Variants in CELSR1 observed in about 807,000 individuals in gnomAD.
CELSR1 encodes the protein adhesion G protein-coupled receptor C1.
CELSR1 carries 110 observed loss-of-function variants against 249.1 expected under a neutral mutation model. The observed-to-expected ratio is 0.44, with a 90% confidence interval of 0.38 to 0.52. The LOEUF is 0.52. Ranked by LOEUF, CELSR1 falls within the 20% of genes least tolerant of loss-of-function variation. The pLI, the probability that CELSR1 is intolerant of heterozygous loss-of-function variation, is 0.00. For synonymous variants in CELSR1, 2,113 were observed against 1,900.0 expected (o/e 1.11, Z -2.92); for missense variants, 4,109 against 4,296.4 (o/e 0.96, Z 1.22).
rs370822616 is a variant in CELSR1 at position 46,366,984 on chromosome 22, G to A, written c.8205+9C>T. The A allele has an allele frequency of 5.9e-5, 95 of 1,606,896 alleles. No homozygotes were observed. The highest frequency in any genetic ancestry group is 4.1e-4 in the African/African-American group (31 of 74,828). On this transcript the variant is annotated intron_variant, in intron 29 of 34. Transcript: ENST00000674500. Reference sequence around the variant, plus strand: ...CCCCCAGTCCCGCGGTGTCCCCGGCGCCTCCTACCGTCAGCAGGGTGGCCC... The same window carrying A: ...CCCCCAGTCCCGCGGTGTCCCCGGCACCTCCTACCGTCAGCAGGGTGGCCC...
intron 1 of CELSR1, among the ~76,000 whole-genome samples, chr22:46,504,322 G>A (rs753590708): frequency 6.6e-5 from 10 of 151,930 alleles, no homozygotes; most frequent in Non-Finnish European, 1.2e-4. Context: ...GATCAGCCTG[G>A]TCAATATGTT....
intron 9 of CELSR1, among the ~76,000 whole-genome samples, chr22:46,405,861 G>C (rs1434228789): frequency 1.3e-5 from 2 of 152,144 alleles, no homozygotes; most frequent in African/African-American, 2.4e-5. Context: ...ATAATGGCAA[G>C]GAGAAATCCC....
In CELSR1 at chr22:46,441,021, C is replaced by T. The variant is rs1317588885; in HGVS notation, c.4184-1610G>A. ...TACAAAAATTAGCCAGGCGTGGTGG[C>T]GGGTGCCTGTAATCCCATCTACTCG... On this transcript the variant is annotated intron_variant, in intron 2 of 34. Transcript: ENST00000674500. The surrounding 1 kb of genome is among the most constrained non-coding windows in gnomAD (Gnocchi z 6.1). 2.0e-5 allele frequency among the ~76,000 whole-genome samples: 3 copies of T among 151,946 alleles called. No homozygotes were observed. Among genetic ancestry groups the T allele is most frequent in the East Asian group, 1.9e-4 (1 of 5,164 alleles).
intron 1 of CELSR1, among the ~76,000 whole-genome samples, chr22:46,524,534 TTG>T (rs2080718130): frequency 1.7e-5 from 2 of 120,200 alleles, no homozygotes; most frequent in Admixed American, 7.5e-5. Context: ...CCCACCCCCG[TTG>T]TGTGCGTGTG....
chr22:46,367,153 T>C lies in CELSR1; in HGVS notation c.8080-35A>G, dbSNP rs374978621. On this transcript the variant is annotated intron_variant, in intron 28 of 34. Coordinates refer to ENST00000674500, the MANE Select transcript of CELSR1 (RefSeq NM_001378328.1). ...GGAAGGTGGGGTCAGCACCTGCTGC[T>C]GCCTCCCTAGGCACCTGCCCTTAGG... is the stretch of plus-strand genomic sequence containing the variant. 3 of 1,601,216 alleles carry C rather than the reference T, an allele frequency of 1.9e-6. No individual in the cohort carries two copies. The African/African-American group carries it at 4.0e-5, about 21-fold the overall frequency.
intron 2 of CELSR1, among the ~76,000 whole-genome samples, chr22:46,463,353 T>C (rs1012913585): frequency 6.6e-6 from 1 of 151,952 alleles, no homozygotes; most frequent in Non-Finnish European, 1.5e-5. Context: ...CCATCTCTAC[T>C]AAAAATACAA....
In CELSR1 at chr22:46,517,857, G is replaced by A. The variant is rs906048590; in HGVS notation, c.3544+15770C>T. On this transcript the variant is annotated intron_variant, in intron 1 of 34. Coordinates refer to ENST00000674500, the MANE Select transcript of CELSR1 (RefSeq NM_001378328.1). This position sits in a 1 kb window ranked among gnomAD's most constrained non-coding sequence, Gnocchi z 5.4. ...GTCATCTGAAAGCACCCACCACCCT[G>A]TGTCCCCATATTCTGTTTATTACAC... is the stretch of plus-strand genomic sequence containing the variant. 5.9e-5 allele frequency among the ~76,000 whole-genome samples: 9 copies of A among 151,618 alleles called. No homozygotes were observed. The highest frequency in any genetic ancestry group is 1.2e-4 in the Non-Finnish European group (8 of 67,954).
At position 46,535,133 on chromosome 22, in the gene CELSR1, C is replaced by T. The variant is rs751972054; in HGVS notation, c.2038G>A (p.Val680Met). 2 of 1,610,604 alleles carry T rather than the reference C, an allele frequency of 1.2e-6. No homozygotes were observed. The highest frequency in any genetic ancestry group is 2.2e-5 in the East Asian group (1 of 44,846). ...GTGAACACCGGGTCGTTGTCATTCACGTCCAGCACCGTGATGGACACGCTG... is the reference window on the plus strand; with the variant it reads ...GTGAACACCGGGTCGTTGTCATTCATGTCCAGCACCGTGATGGACACGCTG... Reference protein sequence around the residue: ...STSVSITVLDVNDNDPVFTQP... With the variant: ...STSVSITVLDMNDNDPVFTQP... The change falls in exon 1 of 35, where the codon GTG becomes ATG. Residue 680 changes from valine (V) to methionine (M), a missense_variant. This residue lies in a region of CELSR1 where 886 missense variants were observed against 896.5 expected (regional missense o/e 0.99). Transcript: ENST00000674500.
rs2078892814 is a variant in CELSR1, at chr22:46,374,222, T to C, written c.7585-1165A>G. Among the ~76,000 whole-genome samples the C allele has an allele frequency of 6.6e-6, 1 of 152,108 alleles. No individual in the cohort carries two copies. The highest frequency in any genetic ancestry group is 1.5e-5 in the Non-Finnish European group (1 of 68,018). The stretch of plus-strand genomic sequence containing the variant: ...CTGGTTTCCTGAGTGGAAATCACAC[T>C]GGCTCAGGAAAAGGAAGGGGGTGAG... On this transcript the variant is annotated intron_variant, in intron 24 of 34. Transcript: ENST00000674500. This position sits in a 1 kb window ranked among gnomAD's most constrained non-coding sequence, Gnocchi z 4.3.
intron 2 of CELSR1, among the ~76,000 whole-genome samples, chr22:46,461,816 C>T (rs375882673): frequency 2.0e-5 from 3 of 152,362 alleles, no homozygotes; most frequent in East Asian, 1.9e-4. Context: ...GGGAAGTCGA[C>T]GAAGCGCCCC....
intron 1 of CELSR1, among the ~76,000 whole-genome samples, chr22:46,508,255 C>T (rs907820134): frequency 3.4e-5 from 5 of 145,478 alleles, no homozygotes; most frequent in Admixed American, 6.9e-5. Flanking sequence ...CTGGCCCCCG[C>T]GGGACAGAAG....
chr22:46,409,190 G>C lies in CELSR1; in HGVS notation c.5060-28C>G. 1 of 1,608,228 alleles carries C rather than the reference G, an allele frequency of 6.2e-7. No individual in the cohort carries two copies. Among genetic ancestry groups the C allele is most frequent in the African/African-American group, 1.3e-5 (1 of 74,774 alleles). ...GCGGACACAGGCCCAGGGACCTCAG[G>C]TGTCTCCCGAAATCACACGGCCGCG... On this transcript the variant is annotated intron_variant, in intron 8 of 34. Coordinates refer to ENST00000674500, the MANE Select transcript of CELSR1 (RefSeq NM_001378328.1). This position sits in a 1 kb window ranked among gnomAD's most constrained non-coding sequence, Gnocchi z 9.8.
intron 1 of CELSR1, chr22:46,481,345 A>G: frequency 1.4e-6 from 1 of 724,790 alleles, no homozygotes; most frequent in Non-Finnish European, 2.4e-6. Context: ...AATGGATGAG[A>G]GAGCCTCCTT....
Position 46,458,615 on chromosome 22 carries a change from G to C in CELSR1, c.4183+5092C>G, listed in dbSNP as rs914351183. On this transcript the variant is annotated intron_variant, in intron 2 of 34. Coordinates refer to ENST00000674500, the MANE Select transcript of CELSR1 (RefSeq NM_001378328.1). ...CAGGGAGTATCTGGAGTTGGTACTGGGGACACCCTCCAGGGGACCAGAGGG... is the reference window on the plus strand; with the variant it reads ...CAGGGAGTATCTGGAGTTGGTACTGCGGACACCCTCCAGGGGACCAGAGGG... 1.9e-4 allele frequency among the ~76,000 whole-genome samples: 29 copies of C among 152,294 alleles called. 2 individuals carry two copies. Among genetic ancestry groups the C allele is most frequent in the Admixed American group, 1.4e-3 (22 of 15,304 alleles).
At position 46,434,790 on chromosome 22, in the gene CELSR1, A is replaced by T. The variant is rs1360655447; in HGVS notation, c.4523-1309T>A. 6.6e-6 allele frequency among the ~76,000 whole-genome samples: 1 copy of T among 152,178 alleles called. No homozygotes were observed. The highest frequency in any genetic ancestry group is 1.5e-5 in the Non-Finnish European group (1 of 68,032). On this transcript the variant is annotated intron_variant, in intron 4 of 34. Coordinates refer to ENST00000674500, the MANE Select transcript of CELSR1 (RefSeq NM_001378328.1). This position sits in a 1 kb window ranked among gnomAD's most constrained non-coding sequence, Gnocchi z 4.9. Reference sequence around the variant, plus strand: ...GGTGGGCGGATCACTTGAGGTCAGGAGTTCAAGACCAGCCTGGCCAACACA... The same window carrying T: ...GGTGGGCGGATCACTTGAGGTCAGGTGTTCAAGACCAGCCTGGCCAACACA...
At chr22:46,384,956 A>T (rs1325388709) in intron 19 of CELSR1, among the ~76,000 whole-genome samples, 1 of 151,640 alleles carries the variant, frequency 6.6e-6, no homozygotes. Flanking sequence ...ACGCCTGGCT[A>T]ATTTTTTGTA....
intron 1 of CELSR1, among the ~76,000 whole-genome samples, chr22:46,496,257 T>C (rs1039461550): frequency 1.3e-5 from 2 of 151,094 alleles, no homozygotes; most frequent in Non-Finnish European, 2.9e-5. Context: ...AAAACACACA[T>C]TGTACAGCTG....
chr22:46,451,778 T>C (rs2079888112), intron 2 of CELSR1, among the ~76,000 whole-genome samples: 1 of 152,212 alleles, frequency 6.6e-6, no homozygotes, highest in Non-Finnish European at 1.5e-5. Context: ...TCTGGGAATG[T>C]TACCTTATAT....
At position 46,488,711 on chromosome 22, in the gene CELSR1, G is replaced by A. The variant is rs1020564752; in HGVS notation, c.3545-24366C>T. The stretch of plus-strand genomic sequence containing the variant: ...GTCTTGCTCTGTCACCCAGGCTGGA[G>A]TTCAGTGGCGTGATCTCGGCTCACT... On this transcript the variant is annotated intron_variant, in intron 1 of 34. Coordinates refer to ENST00000674500, the MANE Select transcript of CELSR1 (RefSeq NM_001378328.1). The surrounding 1 kb of genome is among the most constrained non-coding windows in gnomAD (Gnocchi z 4.7). Among the ~76,000 whole-genome samples the A allele has an allele frequency of 1.3e-5, 2 of 151,472 alleles. No individual in the cohort carries two copies. The highest frequency in any genetic ancestry group is 4.9e-5 in the African/African-American group (2 of 41,132).
Sources: allele counts gnomAD v4.1 joint callset (sites outside exome capture counted in the v4.1 genomes callset), GRCh38; gene constraint gnomAD v4.1.1; regional missense constraint gnomAD v4.1.1; non-coding constraint Gnocchi (gnomAD v3.1); transcripts MANE v1.5; gene names NCBI Gene and HGNC (gene_info 2026-07-23, HGNC 2026-07-21).